ZNF577: variants seen among roughly 807,000 people sequenced by gnomAD.
ZNF577 encodes the protein zinc finger protein 577.
Under a neutral mutation model 13.9 loss-of-function variants are expected in ZNF577, and 14 were observed. That is an observed-to-expected ratio of 1.00 (90% confidence interval 0.66 to 1.57). The LOEUF (loss-of-function observed/expected upper bound fraction) is 1.57, where lower values mean the gene tolerates loss of function less well. Ranked by LOEUF, ZNF577 falls within the 40% of genes most tolerant of loss-of-function variation. ZNF577 has a pLI of 0.00. For missense variants in ZNF577, 555 were observed against 579.2 expected (o/e 0.96, Z 0.43); for synonymous variants, 203 against 202.9 (o/e 1.00, Z 0.00).
In ZNF577 at chr19:51,867,087, C is replaced by T. The variant is rs749335830; in HGVS notation, c.*5445G>A. On this transcript the variant is annotated 3_prime_UTR_variant, in exon 6 of 6. Transcript: ENST00000638348. ...TTACATATTTATTCACCTGTATTCA[C>T]ACTTAAGGCACTCTGTATGAAGCTA... 2.0e-5 allele frequency among the ~76,000 whole-genome samples: 3 copies of T among 152,186 alleles called. No homozygotes were observed. The highest frequency in any genetic ancestry group is 2.1e-4 in the South Asian group (1 of 4,834).
intron 9 of ZNF577, among the ~76,000 whole-genome samples, chr19:51,821,065 C>T (rs1462129541): frequency 1.3e-5 from 2 of 152,214 alleles, no homozygotes; most frequent in African/African-American, 4.8e-5. Context: ...TGACACAGCA[C>T]ACAGCCTGGT....
chr19:51,830,354 T>G (rs901618621), intron 9 of ZNF577, among the ~76,000 whole-genome samples: 1 of 152,214 alleles, frequency 6.6e-6, no homozygotes, highest in Non-Finnish European at 1.5e-5. Context: ...ACAACAAATT[T>G]CTCTGCTCTC....
chr19:51,867,629 A>T lies in ZNF577; in HGVS notation c.*4903T>A, dbSNP rs2084586102. On this transcript the variant is annotated 3_prime_UTR_variant, in exon 6 of 6. Transcript: ENST00000638348. ...CTCTACTAAAAATACAAAAAAAAAAAAAAAAATTAGCCGGGTGTGGTGGCA... is the reference window on the plus strand; with the variant it reads ...CTCTACTAAAAATACAAAAAAAAAATAAAAAATTAGCCGGGTGTGGTGGCA... 6.6e-6 allele frequency among the ~76,000 whole-genome samples: 1 copy of T among 151,370 alleles called. No individual in the cohort carries two copies. The highest frequency in any genetic ancestry group is 2.1e-4 in the South Asian group (1 of 4,802).
At chr19:51,814,441 C>T (rs913289553) in intron 9 of ZNF577, among the ~76,000 whole-genome samples, 2 of 152,094 alleles carry the variant, frequency 1.3e-5, no homozygotes, top group African/African-American at 4.8e-5. Flanking sequence ...TATTGGATAA[C>T]GGGTACTCTC....
chr19:51,816,033 C>G (rs1282498598), intron 9 of ZNF577, among the ~76,000 whole-genome samples: 3 of 151,030 alleles, frequency 2.0e-5, no homozygotes, highest in Non-Finnish European at 4.4e-5. Context: ...CACCACTACA[C>G]CCCAGACTGG....
Position 51,824,579 on chromosome 19 carries a change from C to T in ZNF577, c.*600-12905G>A. 1 of 1,614,136 alleles carries T rather than the reference C, an allele frequency of 6.2e-7. No individual in the cohort carries two copies. Among genetic ancestry groups the T allele is most frequent in the South Asian group, 1.1e-5 (1 of 91,074 alleles). ...AAGAGATGTTGTTAAATGGCAAATA[C>T]AAAATCATTCTTGTCCTGATTAACC... On this transcript the variant is annotated intron_variant and NMD_transcript_variant, in intron 9 of 10. Transcript: ENST00000638827. The surrounding 1 kb of genome is among the most constrained non-coding windows in gnomAD (Gnocchi z 4.7).
intron 5 of ZNF577, among the ~76,000 whole-genome samples, chr19:51,857,438 CAAA>C (rs1360806039): frequency 7.0e-6 from 1 of 142,510 alleles, no homozygotes; most frequent in Non-Finnish European, 1.6e-5. Flanking sequence ...AAAGAAAAAA[CAAA>C]GAAAGGAAGG....
chr19:51,868,247 G>A lies in ZNF577; in HGVS notation c.*4285C>T, dbSNP rs2084596231. Among the ~76,000 whole-genome samples, 1 of 152,190 alleles carries A rather than the reference G, an allele frequency of 6.6e-6. No homozygotes were observed. The highest frequency in any genetic ancestry group is 2.4e-5 in the African/African-American group (1 of 41,454). On this transcript the variant is annotated 3_prime_UTR_variant, in exon 6 of 6. Coordinates refer to ENST00000638348, the MANE Select transcript of ZNF577 (RefSeq NM_001370449.1). Reference sequence around the variant, plus strand: ...CTGTTCTAGAAGCTTTCTGTTAACAGTGATGCAGTTGTTAATAGGCCAGTT... The same window carrying A: ...CTGTTCTAGAAGCTTTCTGTTAACAATGATGCAGTTGTTAATAGGCCAGTT...
chr19:51,880,423 A>C (rs2084843949), intron 2 of ZNF577, 22 bp from the exon 3 acceptor site: 1 of 1,611,282 alleles, frequency 6.2e-7, no homozygotes, highest in Non-Finnish European at 8.5e-7. Flanking sequence ...AAGGAGACAC[A>C]GTTTAAAGCA....
Position 51,869,975 on chromosome 19 carries a change from G to C in ZNF577, c.*2557C>G, listed in dbSNP as rs1253268858. Among the ~76,000 whole-genome samples the C allele has an allele frequency of 6.6e-6, 1 of 152,170 alleles. No individual in the cohort carries two copies. The highest frequency in any genetic ancestry group is 1.5e-5 in the Non-Finnish European group (1 of 68,018). On this transcript the variant is annotated 3_prime_UTR_variant, in exon 6 of 6. Transcript: ENST00000638348. The stretch of plus-strand genomic sequence containing the variant: ...GACTACACTGCACAAATTCAGCTGA[G>C]CTTGCTTCTCCCTCTCAGGGAACCT...
rs1215761550 is a variant in ZNF577, at chr19:51,857,152, A to T, written c.284-12221T>A. 2.0e-5 allele frequency among the ~76,000 whole-genome samples: 3 copies of T among 152,080 alleles called. No individual in the cohort carries two copies. In the East Asian group the frequency reaches 5.8e-4, roughly 29 times the overall value. ...CATCTCTACTAAAAATACAAAAATT[A>T]TCTGGGTGTGATGGCGCACGCCTGT... On this transcript the variant is annotated intron_variant and NMD_transcript_variant, in intron 5 of 10. Coordinates refer to the ZNF577 transcript ENST00000638827.
In ZNF577 at chr19:51,826,798, G is replaced by C. The variant is rs190566311; in HGVS notation, c.*599+13095C>G. Among the ~76,000 whole-genome samples the C allele has an allele frequency of 1.4e-4, 21 of 152,296 alleles. No individual in the cohort carries two copies. In the East Asian group the frequency reaches 3.9e-3, roughly 28 times the overall value. On this transcript the variant is annotated intron_variant and NMD_transcript_variant, in intron 9 of 10. Transcript: ENST00000638827. Reference sequence around the variant, plus strand: ...GACTAGGGAATGGGTGCTGCTGACTGGTTGGGAAGGCAATCATAGGAGAGT... The same window carrying C: ...GACTAGGGAATGGGTGCTGCTGACTCGTTGGGAAGGCAATCATAGGAGAGT...
In ZNF577 at chr19:51,868,787, T is replaced by A. The variant is rs560368945; in HGVS notation, c.*3745A>T. On this transcript the variant is annotated 3_prime_UTR_variant, in exon 6 of 6. Coordinates refer to ENST00000638348, the MANE Select transcript of ZNF577 (RefSeq NM_001370449.1). ...AGACATAAGAAACTCTATTTTGATC[T>A]GTACTAAGAGAAATTATTCTGCCTT... is the stretch of plus-strand genomic sequence containing the variant. Among the ~76,000 whole-genome samples the A allele has an allele frequency of 6.6e-6, 1 of 152,344 alleles. No individual in the cohort carries two copies. Among genetic ancestry groups the A allele is most frequent in the African/African-American group, 2.4e-5 (1 of 41,576 alleles).
At chr19:51,818,716 G>C (rs1050898430) in intron 9 of ZNF577, among the ~76,000 whole-genome samples, 2 of 152,202 alleles carry the variant, frequency 1.3e-5, no homozygotes, top group Non-Finnish European at 2.9e-5. Context: ...AGCTGGCATG[G>C]TCAGGGAATC....
At chr19:51,837,964 G>A (rs1201535470) in intron 9 of ZNF577, among the ~76,000 whole-genome samples, 2 of 152,134 alleles carry the variant, frequency 1.3e-5, no homozygotes, top group African/African-American at 4.8e-5. Flanking sequence ...ACTGAGCTTG[G>A]AGCCAGCTTC....
At chr19:51,856,972 G>A (rs890146656) in intron 5 of ZNF577, among the ~76,000 whole-genome samples, 1 of 152,120 alleles carries the variant, frequency 6.6e-6, no homozygotes, top group African/African-American at 2.4e-5. Context: ...ACTCTACCAT[G>A]TAGACACCAG....
At chr19:51,883,018 GGA>G (rs1211067921) in intron 1 of ZNF577, among the ~76,000 whole-genome samples, 3 of 146,606 alleles carry the variant, frequency 2.0e-5, no homozygotes, top group African/African-American at 7.6e-5. Context: ...TTTTTGAGAA[GGA>G]GTCTCAATCT....
intron 5 of ZNF577, among the ~76,000 whole-genome samples, chr19:51,875,135 G>GGTGGATGGGGGGAGGTCA (rs2084736501): frequency 6.6e-6 from 1 of 151,984 alleles, no homozygotes; most frequent in African/African-American, 2.4e-5. Flanking sequence ...TTGGGAGGTC[G>GGTGGATGGGGGGAGGTCA]AGGTGGATGG....
At chr19:51,829,592 G>C (rs922096699) in intron 9 of ZNF577, among the ~76,000 whole-genome samples, 2 of 152,042 alleles carry the variant, frequency 1.3e-5, no homozygotes, top group Non-Finnish European at 2.9e-5. Context: ...CCACCATCCT[G>C]ACCGATCTCC....
Sources: allele counts gnomAD v4.1 joint callset (sites outside exome capture counted in the v4.1 genomes callset), GRCh38; gene constraint gnomAD v4.1.1; non-coding constraint Gnocchi (gnomAD v3.1); transcripts MANE v1.5; gene names NCBI Gene and HGNC (gene_info 2026-07-23, HGNC 2026-07-21).